ERCC6L2: variants seen among roughly 807,000 people sequenced by gnomAD.
ERCC6L2 encodes the protein ERCC excision repair 6 like 2, also known as DNA excision repair protein ERCC-6-like 2.
ERCC6L2 carries 77 observed loss-of-function variants against 132.0 expected under a neutral mutation model. That is an observed-to-expected ratio of 0.58 (90% CI 0.49 to 0.71). ERCC6L2 has a LOEUF of 0.71. Ranked by LOEUF, ERCC6L2 falls within the 30% of genes least tolerant of loss-of-function variation. The pLI is 0.00. For synonymous variants in ERCC6L2, 583 were observed against 632.4 expected, an observed-to-expected ratio of 0.92 and a Z score of 1.17; for missense variants, 1,542 against 1,837.6, an observed-to-expected ratio of 0.84 and a Z score of 2.94.
intron 18 of ERCC6L2, among the ~76,000 whole-genome samples, chr9:96,008,914 C>T (rs769213894): frequency 6.6e-6 from 1 of 152,206 alleles, no homozygotes; most frequent in African/African-American, 2.4e-5. Context: ...GCTGGGTTTG[C>T]ACACAGCATT....
intron 17 of ERCC6L2, among the ~76,000 whole-genome samples, chr9:95,987,458 C>T (rs530637364): frequency 2.6e-5 from 4 of 152,304 alleles, no homozygotes; most frequent in Middle Eastern, 3.4e-3. Context: ...GCTAAAGGCC[C>T]CATGCAAGTC....
At chr9:95,967,505 A>C (rs1365923839) in intron 14 of ERCC6L2, 1 of 152,182 alleles carries the variant, frequency 6.6e-6, no homozygotes, top group African/African-American at 2.4e-5. Flanking sequence ...CCTGTCCTTG[A>C]GGAACTTAAA....
chr9:96,032,059 C>T (rs1233333689), intron 19 of ERCC6L2, among the ~76,000 whole-genome samples: 2 of 152,212 alleles, frequency 1.3e-5, no homozygotes. Flanking sequence ...AGCCCATCAG[C>T]AGAGAGCGGG....
intron 15 of ERCC6L2, 130 bp from the exon 16 acceptor site, chr9:95,971,803 G>A (rs1832425308): frequency 2.9e-6 from 1 of 344,714 alleles, no homozygotes; most frequent in Non-Finnish European, 5.1e-6. Context: ...TTTATTAAAT[G>A]TTGTACTTTT....
intron 4 of ERCC6L2, among the ~76,000 whole-genome samples, chr9:95,915,065 C>A (rs1367200247): frequency 6.6e-6 from 1 of 152,124 alleles, no homozygotes; most frequent in Non-Finnish European, 1.5e-5. Context: ...GCTGGCGTCT[C>A]TATTCTTTGG....
At chr9:95,964,925 C>T (rs1294895424) in intron 13 of ERCC6L2, among the ~76,000 whole-genome samples, 1 of 152,104 alleles carries the variant, frequency 6.6e-6, no homozygotes, top group Non-Finnish European at 1.5e-5. Flanking sequence ...CAAATTAAGG[C>T]TTACAAATTA....
intron 9 of ERCC6L2, among the ~76,000 whole-genome samples, chr9:95,924,653 A>C (rs963968682): frequency 6.6e-6 from 1 of 152,114 alleles, no homozygotes; most frequent in Non-Finnish European, 1.5e-5. Context: ...CTTGAAATTA[A>C]GTTTTATAAC....
intron 16 of ERCC6L2, among the ~76,000 whole-genome samples, chr9:95,974,839 C>T (rs1001261169): frequency 4.0e-5 from 6 of 151,584 alleles, no homozygotes; most frequent in African/African-American, 1.5e-4. Context: ...TGATAAAATA[C>T]CTCGAGGTTA....
Position 96,004,340 on chromosome 9 carries a change from AT to A in ERCC6L2, c.3493-174del, listed in dbSNP as rs1479613848. Among the ~76,000 whole-genome samples the A allele has an allele frequency of 2.0e-5, 3 of 152,196 alleles. No homozygotes were observed. The East Asian group carries it at 5.8e-4, about 29-fold the overall frequency. The stretch of plus-strand genomic sequence containing the variant: ...TAACTTAAAGAAAGGTATAAAAATA[AT>A]TTTTTCCCTGTGTCATCTTCTTAAA... On this transcript the variant is annotated intron_variant, in intron 17 of 18. Transcript: ENST00000653738.
intron 17 of ERCC6L2, among the ~76,000 whole-genome samples, chr9:95,991,767 T>C (rs1475641987): frequency 6.6e-6 from 1 of 152,250 alleles, no homozygotes; most frequent in Non-Finnish European, 1.5e-5. Flanking sequence ...TTTGAAGATC[T>C]GTATAACTCT....
chr9:95,960,934 C>T (rs533616107), intron 13 of ERCC6L2, among the ~76,000 whole-genome samples: 1 of 152,208 alleles, frequency 6.6e-6, no homozygotes, highest in East Asian at 1.9e-4. Context: ...TTCTATCAAA[C>T]ACTTAATATT....
intron 4 of ERCC6L2, among the ~76,000 whole-genome samples, chr9:95,913,255 A>G (rs999006337): frequency 1.3e-5 from 2 of 152,170 alleles, no homozygotes; most frequent in Admixed American, 1.3e-4. Context: ...TCTTTTCTAC[A>G]CATTAATTAC....
intron 17 of ERCC6L2, among the ~76,000 whole-genome samples, chr9:95,998,411 G>A (rs960093688): frequency 6.6e-6 from 1 of 152,202 alleles, no homozygotes; most frequent in African/African-American, 2.4e-5. Context: ...TGCAATTAAG[G>A]TTGAATCAGC....
intron 15 of ERCC6L2, chr9:95,971,444 G>A (rs1588000899): frequency 2.0e-5 from 3 of 152,114 alleles, no homozygotes; most frequent in Middle Eastern, 6.8e-3. Flanking sequence ...CTTTATTTCT[G>A]GTGATCAAGA....
At chr9:95,881,460 A>G (rs7868591) in intron 2 of ERCC6L2, among the ~76,000 whole-genome samples, 167 bp downstream of exon 2, 6,412 of 152,236 alleles carry the variant, frequency 0.042, 472 homozygotes, top group African/African-American at 0.15. Flanking sequence ...GTTGAGGACA[A>G]TGTCTCAGTT....
chr9:95,962,647 A>G (rs138006457), intron 13 of ERCC6L2, among the ~76,000 whole-genome samples: 54 of 152,288 alleles, frequency 3.5e-4, no homozygotes, highest in Admixed American at 1.7e-3. Context: ...AAATAAAGCT[A>G]TTTCTGTGTG....
chr9:95,884,113 G>A (rs1187795150), intron 2 of ERCC6L2, among the ~76,000 whole-genome samples: 1 of 152,148 alleles, frequency 6.6e-6, no homozygotes, highest in African/African-American at 2.4e-5. Context: ...ATCATTGAAG[G>A]ACTTGGAGAT....
chr9:95,990,403 C>G (rs1312774636), intron 17 of ERCC6L2, among the ~76,000 whole-genome samples: 2 of 152,208 alleles, frequency 1.3e-5, no homozygotes, highest in East Asian at 3.9e-4. Context: ...GTCCATGGAC[C>G]CTAAGATAGC....
chr9:95,885,993 A>G (rs73534614), intron 2 of ERCC6L2, among the ~76,000 whole-genome samples: 5,640 of 152,098 alleles, frequency 0.037, 306 homozygotes, highest in African/African-American at 0.12. Flanking sequence ...TGTTTGGTCT[A>G]CGTGAATCTT....
Sources: allele counts gnomAD v4.1 joint callset (sites outside exome capture counted in the v4.1 genomes callset), GRCh38; gene constraint gnomAD v4.1.1; transcripts MANE v1.5; gene names NCBI Gene and HGNC (gene_info 2026-07-23, HGNC 2026-07-21).